SLC12A6: variants seen among roughly 807,000 people sequenced by gnomAD.
The protein encoded by SLC12A6 is K-Cl cotransporter 3.
A neutral mutation model predicts 135.3 loss-of-function variants in SLC12A6; 66 were observed. The observed-to-expected ratio is 0.49, with a 90% CI of 0.40 to 0.60. The LOEUF is 0.60. Among genes scored for constraint, SLC12A6 ranks in the 20% least tolerant of loss-of-function variants. The probability of loss-of-function intolerance (pLI) is 0.00; values close to 1 mark genes in which losing one functional copy is unlikely to be tolerated. For missense variants in SLC12A6, 1,058 were observed against 1,452.3 expected (o/e 0.73, Z 4.41); for synonymous variants, 513 against 508.8 (o/e 1.01, Z -0.11).
chr15:34,302,538 T>C (rs893610189), intron 2 of SLC12A6, among the ~76,000 whole-genome samples: 1 of 151,544 alleles, frequency 6.6e-6, no homozygotes, highest in African/African-American at 2.4e-5. Context: ...TCTACAAAAA[T>C]ACAAAAATTA....
intron 8 of SLC12A6, 67 bp from the exon 9 acceptor site, chr15:34,254,656 G>A (rs562869570): frequency 2.6e-4 from 327 of 1,239,708 alleles, no homozygotes; most frequent in Admixed American, 3.8e-4. Context: ...GGCTGTATTC[G>A]TTTGCATTTA....
intron 23 of SLC12A6, among the ~76,000 whole-genome samples, 155 bp downstream of exon 23, chr15:34,236,553 A>T (rs1891279770): frequency 2.0e-5 from 3 of 152,034 alleles, no homozygotes; most frequent in Admixed American, 2.0e-4. Flanking sequence ...CATCTTGGCC[A>T]GGCTGGTCTT....
At chr15:34,273,547 C>A (rs1396746400) in intron 3 of SLC12A6, among the ~76,000 whole-genome samples, 1 of 152,068 alleles carries the variant, frequency 6.6e-6, no homozygotes, top group Non-Finnish European at 1.5e-5. Context: ...TCTCATTAAC[C>A]CAAGGACTAT....
Position 34,246,512 on chromosome 15 carries a change from T to C in SLC12A6, c.1650-645A>G, listed in dbSNP as rs185281455. Among the ~76,000 whole-genome samples the C allele has an allele frequency of 3.2e-3, 480 of 152,344 alleles. 1 individual carries two copies. The highest frequency in any genetic ancestry group is 0.011 in the African/African-American group (465 of 41,590). Reference sequence around the variant, plus strand: ...TCATAAAAAGCTATGAATAAAAATTTGTAGTGATTTGAATAATATTGCATC... The same window carrying C: ...TCATAAAAAGCTATGAATAAAAATTCGTAGTGATTTGAATAATATTGCATC... On this transcript the variant is annotated intron_variant, in intron 13 of 25. Transcript: ENST00000354181.
intron 24 of SLC12A6, 149 bp downstream of exon 24, chr15:34,235,866 A>G (rs1486417350): frequency 1.4e-6 from 1 of 730,578 alleles, no homozygotes; most frequent in South Asian, 1.5e-5. Flanking sequence ...TACAGTGTTC[A>G]TTGGGAGCCA....
intron 2 of SLC12A6, among the ~76,000 whole-genome samples, chr15:34,304,121 C>G (rs1450063746): frequency 6.6e-6 from 1 of 152,166 alleles, no homozygotes; most frequent in Non-Finnish European, 1.5e-5. Context: ...TAACTTCTGC[C>G]TCTATAAATT....
intron 2 of SLC12A6, among the ~76,000 whole-genome samples, chr15:34,322,552 A>C (rs911310741): frequency 6.6e-6 from 1 of 152,188 alleles, no homozygotes; most frequent in Non-Finnish European, 1.5e-5. Context: ...AATTTACCTT[A>C]AAATGCATAC....
Position 34,233,727 on chromosome 15 carries a change from A to G in SLC12A6, c.*154T>C. 4.4e-6 allele frequency: 3 copies of G among 687,240 alleles called. No homozygotes were observed. In the South Asian group the frequency reaches 4.6e-5, roughly 11 times the overall value. The allele number at this position is 687,240 out of a possible 1,614,324, so 42.6% of individuals were successfully genotyped here. ...GCAGATCAGATGGGAGCTCTTTTAC[A>G]CAGGTACTTGAGGCTCAGCTCATCA... On this transcript the variant is annotated 3_prime_UTR_variant, in exon 26 of 26. Coordinates refer to ENST00000354181, the MANE Select transcript of SLC12A6 (RefSeq NM_001365088.1).
At chr15:34,330,020 C>A (rs1335863805) in intron 2 of SLC12A6, among the ~76,000 whole-genome samples, 2 of 152,136 alleles carry the variant, frequency 1.3e-5, no homozygotes, top group African/African-American at 4.8e-5. Flanking sequence ...TTTACATTAT[C>A]ACAATGTCAT....
intron 13 of SLC12A6, among the ~76,000 whole-genome samples, chr15:34,248,686 C>G (rs1892174518): frequency 6.6e-6 from 1 of 151,950 alleles, no homozygotes. Context: ...TCAAAGAGCT[C>G]AACGTGTAGG....
chr15:34,304,622 A>G (rs1896477330), intron 2 of SLC12A6, among the ~76,000 whole-genome samples: 1 of 152,118 alleles, frequency 6.6e-6, no homozygotes, highest in African/African-American at 2.4e-5. Context: ...TTTGATGTGT[A>G]TTTCTTTAAT....
rs192412343 is a variant in SLC12A6, at chr15:34,302,732, C to T, written c.272-27343G>A. 4.0e-5 allele frequency among the ~76,000 whole-genome samples: 6 copies of T among 151,838 alleles called. No homozygotes were observed. The East Asian group carries it at 7.8e-4, about 20-fold the overall frequency. On this transcript the variant is annotated intron_variant, in intron 2 of 25. Coordinates refer to ENST00000354181, the MANE Select transcript of SLC12A6 (RefSeq NM_001365088.1). ...TCCGGAGGTGGAGGTGGGATGATTG[C>T]TTGGGCCTAGGAGTTCAAGACCAGC...
Position 34,229,998 on chromosome 15 carries a change from A to AAAAT in SLC12A6, c.*3879_*3882dup. 1 of 588,560 alleles carries AAAAT rather than the reference A, an allele frequency of 1.7e-6. No individual in the cohort carries two copies. Among genetic ancestry groups the AAAAT allele is most frequent in the Non-Finnish European group, 3.0e-6 (1 of 335,232 alleles). 36.5% of individuals were successfully genotyped at this position (588,560 alleles called of 1,614,324 possible). A position where few individuals can be genotyped will look rare whatever the true frequency, so the allele number is the denominator to read the frequency against. ...GAAACTATACCATAACCCAAGGCTG[A>AAAAT]AAATAATGTAGAAAACTTTATTTTT... On this transcript the variant is annotated 3_prime_UTR_variant, in exon 26 of 26. Coordinates refer to ENST00000354181, the MANE Select transcript of SLC12A6 (RefSeq NM_001365088.1).
At chr15:34,251,096 T>TTA in intron 10 of SLC12A6, 39 bp from the exon 11 acceptor site, 2 of 1,177,098 alleles carry the variant, frequency 1.7e-6, no homozygotes, top group Non-Finnish European at 2.3e-6. Flanking sequence ...AGCAGCAGTA[T>TTA]GAAAAAAAAA....
chr15:34,331,615 G>A (rs554566659), intron 2 of SLC12A6, among the ~76,000 whole-genome samples: 6 of 152,122 alleles, frequency 3.9e-5, no homozygotes, highest in Non-Finnish European at 7.4e-5. Flanking sequence ...CAAGTTATAT[G>A]TGATATCACA....
At chr15:34,292,989 C>A (rs529080498) in intron 2 of SLC12A6, among the ~76,000 whole-genome samples, 6 of 152,320 alleles carry the variant, frequency 3.9e-5, no homozygotes, top group African/African-American at 1.2e-4. Flanking sequence ...CAATGCCCCA[C>A]CCTGCTTTGG....
intron 3 of SLC12A6, among the ~76,000 whole-genome samples, 200 bp downstream of exon 3, chr15:34,275,145 C>T (rs80083653): frequency 3.5e-3 from 530 of 151,890 alleles, no homozygotes; most frequent in Non-Finnish European, 6.4e-3. Context: ...TTTAATTTAA[C>T]TGAGTCTTAG....
chr15:34,264,793 T>C (rs1322955318), intron 3 of SLC12A6, among the ~76,000 whole-genome samples: 1 of 152,218 alleles, frequency 6.6e-6, no homozygotes, highest in Non-Finnish European at 1.5e-5. Context: ...TCATAAAAGT[T>C]CATTATGCTA....
rs540299686 is a variant in SLC12A6 at position 34,262,197 on chromosome 15, A to C, written c.317-1177T>G. ...TCCTCTAATTGATTCTCCACTCTTT[A>C]CCTATTTTACATATATCTACCCTTC... On this transcript the variant is annotated intron_variant, in intron 3 of 25. Transcript: ENST00000354181. Among the ~76,000 whole-genome samples, 9 of 152,076 alleles carry C rather than the reference A, an allele frequency of 5.9e-5. No homozygotes were observed. In the South Asian group the frequency reaches 1.9e-3, roughly 32 times the overall value.
Sources: gnomAD v4.1 joint callset for allele counts (sites outside exome capture counted in the v4.1 genomes callset) on GRCh38, gnomAD v4.1.1 for gene constraint, MANE v1.5 for transcripts, NCBI Gene and HGNC (gene_info 2026-07-23, HGNC 2026-07-21) for gene names.